Variants in ADGRB3 observed in about 807,000 individuals in gnomAD.
The protein encoded by ADGRB3 is adhesion G protein-coupled receptor B3, also known as brain-specific angiogenesis inhibitor 3.
ADGRB3 carries 37 observed loss-of-function variants against 193.4 expected under a neutral mutation model. That is an observed-to-expected ratio of 0.19 (90% CI 0.15 to 0.25). ADGRB3 has a LOEUF of 0.25. ADGRB3 is among the 10% of genes least tolerant of loss of function. The probability of loss-of-function intolerance (pLI) is 1.00; values close to 1 mark genes in which losing one functional copy is unlikely to be tolerated. For synonymous variants in ADGRB3, 690 were observed against 644.2 expected, an observed-to-expected ratio of 1.07 and a Z score of -1.08; for missense variants, 1,637 against 1,852.9, an observed-to-expected ratio of 0.88 and a Z score of 2.14.
chr6:69,063,046 A>T lies in ADGRB3; in HGVS notation c.2436+10A>T. 1 of 1,588,106 alleles carries T rather than the reference A, an allele frequency of 6.3e-7. No homozygotes were observed. Among genetic ancestry groups the T allele is most frequent in the Non-Finnish European group, 8.6e-7 (1 of 1,157,224 alleles). On this transcript the variant is annotated intron_variant, in intron 16 of 31. Transcript: ENST00000370598. ...AGCTCATTTGGCTAATGTAAGTACC[A>T]TCCACTGGGCACTGACTTGCTTATG... is the stretch of plus-strand genomic sequence containing the variant.
At chr6:68,821,120 A>G (rs776957191) in intron 3 of ADGRB3, among the ~76,000 whole-genome samples, 6 of 152,176 alleles carry the variant, frequency 3.9e-5, no homozygotes, top group Non-Finnish European at 7.4e-5. Context: ...TTGTTTTCAT[A>G]TAAGCCAAAT....
At chr6:69,278,273 C>T (rs1000648668) in intron 20 of ADGRB3, among the ~76,000 whole-genome samples, 5 of 152,164 alleles carry the variant, frequency 3.3e-5, no homozygotes, top group South Asian at 2.1e-4. Context: ...ACATTCTGAT[C>T]GTTGTTTTCA....
At position 69,081,191 on chromosome 6, in the gene ADGRB3, G is replaced by A. The variant is rs780010795; in HGVS notation, c.2480+5153G>A. Reference sequence around the variant, plus strand: ...ATAGAACTTTCCATTATCCATTCAGGTCCAATCATTAATTCTCTAATATTA... The same window carrying A: ...ATAGAACTTTCCATTATCCATTCAGATCCAATCATTAATTCTCTAATATTA... On this transcript the variant is annotated intron_variant, in intron 17 of 31. Coordinates refer to ENST00000370598, the MANE Select transcript of ADGRB3 (RefSeq NM_001704.3). 2.0e-5 allele frequency among the ~76,000 whole-genome samples: 3 copies of A among 151,878 alleles called. No homozygotes were observed. The East Asian group carries it at 5.8e-4, about 29-fold the overall frequency.
chr6:69,139,365 A>C (rs1430129966), intron 17 of ADGRB3, among the ~76,000 whole-genome samples: 1 of 152,220 alleles, frequency 6.6e-6, no homozygotes, highest in Non-Finnish European at 1.5e-5. Context: ...CTGTTAGTAC[A>C]AAAAGTAACT....
At chr6:69,139,091 A>G (rs1483635046) in intron 17 of ADGRB3, among the ~76,000 whole-genome samples, 1 of 152,142 alleles carries the variant, frequency 6.6e-6, no homozygotes, top group Non-Finnish European at 1.5e-5. Context: ...CTCTATTTTC[A>G]TACCCCTTCA....
At chr6:69,122,481 AGGGGG>A (rs376504324) in intron 17 of ADGRB3, among the ~76,000 whole-genome samples, 1 of 3,226 alleles carries the variant, frequency 3.1e-4, no homozygotes, top group East Asian at 0.1. Flanking sequence ...GGGGAGGGGG[AGGGGG>A]GAGGGGGAGG....
chr6:69,233,397 C>T lies in ADGRB3; in HGVS notation c.2588C>T (p.Ala863Val). The stretch of plus-strand genomic sequence containing the variant: ...CGTCTCTCTACCTTCGCCATTTTGG[C>T]TCAGCAACCTAGAGAAATAGTAAGT... ...CDRLSTFAIL[A>V]QQPREIIMES... The change falls in exon 18 of 32, where the codon GCT (alanine) becomes GTT (valine). Residue 863 changes from alanine (A) to valine (V), a missense_variant. By Grantham distance (64) the Ala-to-Val change is moderately conservative. Coordinates refer to ENST00000370598, the MANE Select transcript of ADGRB3 (RefSeq NM_001704.3). 2 of 1,614,050 alleles carry T rather than the reference C, an allele frequency of 1.2e-6. No homozygotes were observed. The highest frequency in any genetic ancestry group is 1.6e-4 in the Middle Eastern group (1 of 6,062).
intron 10 of ADGRB3, among the ~76,000 whole-genome samples, chr6:68,993,323 A>C (rs946440664): frequency 4.6e-5 from 7 of 152,250 alleles, no homozygotes; most frequent in African/African-American, 1.7e-4. Context: ...AGATGTGTTC[A>C]TTTTAAGAGG....
At chr6:68,915,550 C>G (rs1766855429) in intron 3 of ADGRB3, among the ~76,000 whole-genome samples, 1 of 152,154 alleles carries the variant, frequency 6.6e-6, no homozygotes, top group Non-Finnish European at 1.5e-5. Context: ...GCTATATGCT[C>G]TAAATGGCTA....
chr6:69,148,979 T>C (rs1774585689), intron 17 of ADGRB3, among the ~76,000 whole-genome samples: 1 of 152,170 alleles, frequency 6.6e-6, no homozygotes, highest in South Asian at 2.1e-4. Flanking sequence ...CCTTGACTTT[T>C]GGGAGTTTGA....
intron 17 of ADGRB3, among the ~76,000 whole-genome samples, chr6:69,152,016 C>T (rs1774694644): frequency 6.6e-6 from 1 of 152,178 alleles, no homozygotes; most frequent in Non-Finnish European, 1.5e-5. Context: ...TTTGCTTCCC[C>T]TTCTGCCATG....
chr6:69,117,576 G>C, intron 17 of ADGRB3, among the ~76,000 whole-genome samples: 1 of 151,616 alleles, frequency 6.6e-6, no homozygotes, highest in East Asian at 1.9e-4. Context: ...GTAATACTTA[G>C]GAGTAAACAG....
intron 20 of ADGRB3, among the ~76,000 whole-genome samples, chr6:69,282,687 A>G (rs1419133512): frequency 1.3e-5 from 2 of 152,226 alleles, no homozygotes; most frequent in Non-Finnish European, 2.9e-5. Flanking sequence ...TTATTGGGTG[A>G]CTATAAGCTT....
At chr6:69,317,508 G>A (rs763116439) in intron 20 of ADGRB3, among the ~76,000 whole-genome samples, 5 of 151,410 alleles carry the variant, frequency 3.3e-5, no homozygotes, top group Non-Finnish European at 7.4e-5. Flanking sequence ...TATTCTGTAC[G>A]TCGATTTTTC....
At chr6:68,893,105 A>G (rs891673949) in intron 3 of ADGRB3, among the ~76,000 whole-genome samples, 1 of 152,172 alleles carries the variant, frequency 6.6e-6, no homozygotes, top group African/African-American at 2.4e-5. Context: ...TGAAATTAAC[A>G]TCATTATCAT....
At chr6:68,693,897 A>T (rs1316704769) in intron 3 of ADGRB3, among the ~76,000 whole-genome samples, 2 of 152,034 alleles carry the variant, frequency 1.3e-5, no homozygotes, top group African/African-American at 4.8e-5. Context: ...TGAACCAGTT[A>T]ACTGGACCAT....
At chr6:69,168,463 A>G (rs1775186474) in intron 17 of ADGRB3, among the ~76,000 whole-genome samples, 1 of 152,178 alleles carries the variant, frequency 6.6e-6, no homozygotes, top group Non-Finnish European at 1.5e-5. Flanking sequence ...ACATTGATGG[A>G]GAACTAAAGG....
At chr6:69,150,205 C>T (rs1424107551) in intron 17 of ADGRB3, among the ~76,000 whole-genome samples, 1 of 152,080 alleles carries the variant, frequency 6.6e-6, no homozygotes, top group East Asian at 1.9e-4. Flanking sequence ...AGCAAGTTCC[C>T]CAGGTCCCAG....
At chr6:68,964,729 A>G (rs1046009528) in intron 8 of ADGRB3, among the ~76,000 whole-genome samples, 15 of 152,348 alleles carry the variant, frequency 9.8e-5, no homozygotes, top group African/African-American at 3.1e-4. Context: ...TTATGCAATA[A>G]TAATACAGAA....
Sources: allele counts gnomAD v4.1 joint callset (sites outside exome capture counted in the v4.1 genomes callset), GRCh38; gene constraint gnomAD v4.1.1; transcripts MANE v1.5; gene names NCBI Gene and HGNC (gene_info 2026-07-23, HGNC 2026-07-21).